Variants in FRK observed in about 807,000 individuals in gnomAD.
The protein encoded by FRK is fyn related Src family tyrosine kinase, also known as tyrosine-protein kinase FRK.
FRK carries 51 observed loss-of-function variants against 56.4 expected under a neutral mutation model. The observed-to-expected ratio is 0.90, with a 90% CI of 0.72 to 1.14. FRK has a LOEUF of 1.14. Ranked by LOEUF, FRK falls within the 50% of genes most tolerant of loss-of-function variation. FRK has a pLI of 0.00. For synonymous variants in FRK, 245 were observed against 217.9 expected (o/e 1.12, Z -1.10); for missense variants, 570 against 601.4 (o/e 0.95, Z 0.55).
At chr6:115,992,413 T>A (rs1233349659) in intron 2 of FRK, among the ~76,000 whole-genome samples, 1 of 151,742 alleles carries the variant, frequency 6.6e-6, no homozygotes, top group East Asian at 1.9e-4. Flanking sequence ...TTATGTCACA[T>A]AGTAAACACA....
At chr6:115,982,844 G>A (rs1220217176) in intron 2 of FRK, among the ~76,000 whole-genome samples, 1 of 152,088 alleles carries the variant, frequency 6.6e-6, no homozygotes, top group African/African-American at 2.4e-5. Flanking sequence ...GGCTGAAGCG[G>A]GTGGATCACT....
chr6:116,079,048 C>T, the FRK span, among the ~76,000 whole-genome samples: 13 of 152,020 alleles, frequency 8.6e-5, no homozygotes, highest in Admixed American at 3.9e-4. Flanking sequence ...GGGTTATTTG[C>T]GGTTTGGGGC....
Position 116,060,372 on chromosome 6 carries a change from C to A in FRK, c.-61G>T. 7.4e-7 allele frequency: 1 copy of A among 1,352,034 alleles called. No individual in the cohort carries two copies. The highest frequency in any genetic ancestry group is 1.3e-5 in the South Asian group (1 of 74,626). 83.8% of individuals were successfully genotyped at this position (1,352,034 alleles called of 1,614,324 possible). A position where few individuals can be genotyped will look rare whatever the true frequency, so the allele number is the denominator to read the frequency against. On this transcript the variant is annotated 5_prime_UTR_variant, in exon 1 of 8. Coordinates refer to ENST00000606080, the MANE Select transcript of FRK (RefSeq NM_002031.3). The stretch of plus-strand genomic sequence containing the variant: ...CCCTCTCCCCTTAGTCTCTGCGATC[C>A]ACCTTATCTTCCTTCACCAGGCAAC...
chr6:116,053,942 G>A (rs1777276107), intron 1 of FRK, among the ~76,000 whole-genome samples: 1 of 151,888 alleles, frequency 6.6e-6, no homozygotes, highest in Non-Finnish European at 1.5e-5. Context: ...ACTTGACACA[G>A]GTATTAATTA....
chr6:116,036,712 A>G (rs1249344052), intron 1 of FRK, among the ~76,000 whole-genome samples: 2 of 151,824 alleles, frequency 1.3e-5, no homozygotes, highest in East Asian at 3.8e-4. Flanking sequence ...TTCTTTTGAA[A>G]AGGAAAAAAA....
rs1773622592 is a variant in FRK at position 115,967,409 on chromosome 6, G to A, written c.799+142C>T. The A allele has an allele frequency of 2.3e-5, 15 of 651,944 alleles. No individual in the cohort carries two copies. In the South Asian group the frequency reaches 3.7e-4, roughly 16 times the overall value. The allele number at this position is 651,944 out of a possible 1,614,324, so 40.4% of individuals were successfully genotyped here. ...TATTTTAATGCCTTATCCATAGGTT[G>A]GGGTCACCTGGGCTAGAGACAATGA... On this transcript the variant is annotated intron_variant, in intron 4 of 7. Coordinates refer to ENST00000606080, the MANE Select transcript of FRK (RefSeq NM_002031.3).
chr6:115,966,418 C>T (rs189410902), intron 4 of FRK, among the ~76,000 whole-genome samples: 1 of 152,292 alleles, frequency 6.6e-6, no homozygotes, highest in African/African-American at 2.4e-5. Flanking sequence ...GCAGCTTGTA[C>T]AATATTCAGG....
intron 1 of FRK, among the ~76,000 whole-genome samples, chr6:116,030,497 G>A (rs553066850): frequency 2.0e-5 from 3 of 152,190 alleles, no homozygotes; most frequent in Admixed American, 6.5e-5. Context: ...TTCTAATGGG[G>A]TAACACATGG....
intron 1 of FRK, among the ~76,000 whole-genome samples, chr6:116,023,659 T>A (rs376678361): frequency 6.6e-6 from 1 of 152,100 alleles, no homozygotes; most frequent in Admixed American, 6.6e-5. Context: ...CCTGAGGTAA[T>A]AGAAATGTTC....
chr6:116,079,227 C>A, the FRK span, among the ~76,000 whole-genome samples: 1 of 151,800 alleles, frequency 6.6e-6, no homozygotes, highest in Non-Finnish European at 1.5e-5. Context: ...CTTTGCCTGA[C>A]TTGAATTATC....
chr6:116,057,501 T>G (rs1035854012), intron 1 of FRK, among the ~76,000 whole-genome samples: 1 of 152,064 alleles, frequency 6.6e-6, no homozygotes, highest in African/African-American at 2.4e-5. Context: ...TGCCTTACGG[T>G]GACAAGAAAC....
At chr6:116,072,730 C>T in the FRK span, among the ~76,000 whole-genome samples, 8 of 152,080 alleles carry the variant, frequency 5.3e-5, no homozygotes, top group Admixed American at 4.6e-4. Flanking sequence ...TGAAAAATAA[C>T]CTTTGTTGTT....
chr6:115,986,620 T>C (rs974585456), intron 2 of FRK, among the ~76,000 whole-genome samples: 6 of 152,152 alleles, frequency 3.9e-5, no homozygotes, highest in African/African-American at 1.2e-4. Context: ...TTTAAAGAGG[T>C]GATCTCTTCA....
rs548773790 is a variant in FRK at position 116,054,597 on chromosome 6, T to C, written c.344+5371A>G. 6.2e-3 allele frequency among the ~76,000 whole-genome samples: 911 copies of C among 147,988 alleles called. 7 individuals are homozygous for C. The highest frequency in any genetic ancestry group is 9.7e-3 in the Non-Finnish European group (649 of 67,194). The stretch of plus-strand genomic sequence containing the variant: ...TGTTATTTATATATATAAATACCTT[T>C]TTATTTCATTTCTAAAATTATAGTA... On this transcript the variant is annotated intron_variant, in intron 1 of 7. Transcript: ENST00000606080.
chr6:116,065,915 C>T, the FRK span, among the ~76,000 whole-genome samples: 3 of 152,158 alleles, frequency 2.0e-5, no homozygotes, highest in African/African-American at 4.8e-5. Flanking sequence ...GTTGTTTCCC[C>T]AAGCATATTG....
At chr6:115,947,385 A>G (rs769182139) in intron 5 of FRK, among the ~76,000 whole-genome samples, 6 of 151,554 alleles carry the variant, frequency 4.0e-5, no homozygotes, top group Admixed American at 1.3e-4. Flanking sequence ...TAAGGCAAGT[A>G]GCATATCTCA....
In FRK at chr6:116,039,360, C is replaced by T. The variant is rs1203194239; in HGVS notation, c.344+20608G>A. On this transcript the variant is annotated intron_variant, in intron 1 of 7. Coordinates refer to ENST00000606080, the MANE Select transcript of FRK (RefSeq NM_002031.3). The stretch of plus-strand genomic sequence containing the variant: ...CTCTGATGTGGTGGCTCAGAGCACC[C>T]GTATCCATTTATGGAGGCTCTGTGA... 2.7e-6 allele frequency: 4 copies of T among 1,464,750 alleles called. No homozygotes were observed. The African/African-American group carries it at 5.6e-5, about 20-fold the overall frequency. The allele number at this position is 1,464,750 out of a possible 1,614,324, so 90.7% of individuals were successfully genotyped here.
intron 2 of FRK, among the ~76,000 whole-genome samples, chr6:115,985,354 G>A (rs1013023420): frequency 1.3e-5 from 2 of 152,172 alleles, no homozygotes; most frequent in Non-Finnish European, 2.9e-5. Flanking sequence ...TAGAGACAGC[G>A]GTGAGGGCAA....
At chr6:116,048,971 ACTT>A (rs1040264680) in intron 1 of FRK, among the ~76,000 whole-genome samples, 3 of 132,260 alleles carry the variant, frequency 2.3e-5, no homozygotes, top group Non-Finnish European at 1.7e-5. Flanking sequence ...ACATCCCTGC[ACTT>A]CTTTTTTTTT....
Sources: allele counts gnomAD v4.1 joint callset (sites outside exome capture counted in the v4.1 genomes callset), GRCh38; gene constraint gnomAD v4.1.1; transcripts MANE v1.5; gene names NCBI Gene and HGNC (gene_info 2026-07-23, HGNC 2026-07-21).